Variants in BCAR3 observed in about 807,000 individuals in gnomAD.
BCAR3 encodes breast cancer anti-estrogen resistance protein 3.
A neutral mutation model predicts 80.1 loss-of-function variants in BCAR3; 37 were observed. The observed-to-expected ratio is 0.46, with a 90% confidence interval of 0.36 to 0.61. BCAR3 has a LOEUF of 0.61. Ranked by LOEUF, BCAR3 falls within the 20% of genes least tolerant of loss-of-function variation. The pLI is 0.00. For missense variants in BCAR3, 978 were observed against 1,068.2 expected, an observed-to-expected ratio of 0.92 and a Z score of 1.18; for synonymous variants, 389 against 418.9, an observed-to-expected ratio of 0.93 and a Z score of 0.87.
At chr1:93,837,237 TAAAA>T (rs1259349844) in intron 2 of BCAR3, among the ~76,000 whole-genome samples, 6 of 151,978 alleles carry the variant, frequency 3.9e-5, no homozygotes, top group Admixed American at 6.6e-5. Context: ...AAAATAAAAA[TAAAA>T]AAATAAATAA....
At chr1:93,619,438 T>G (rs1411217552) in intron 3 of BCAR3, among the ~76,000 whole-genome samples, 2 of 152,190 alleles carry the variant, frequency 1.3e-5, no homozygotes, top group African/African-American at 4.8e-5. Context: ...CCAAGATGAT[T>G]CACCACCTAC....
chr1:93,741,008 T>A (rs534999611), intron 2 of BCAR3, among the ~76,000 whole-genome samples: 1 of 152,310 alleles, frequency 6.6e-6, no homozygotes, highest in African/African-American at 2.4e-5. Flanking sequence ...GGTGAAAGCG[T>A]GGCTTTTTGC....
intron 2 of BCAR3, among the ~76,000 whole-genome samples, chr1:93,726,824 C>T (rs1193857518): frequency 6.6e-6 from 1 of 152,198 alleles, no homozygotes; most frequent in Admixed American, 6.5e-5. Flanking sequence ...TTTCTGCCCA[C>T]AGGTGGTGAC....
intron 2 of BCAR3, among the ~76,000 whole-genome samples, chr1:93,771,596 A>G (rs1431548908): frequency 6.6e-6 from 1 of 152,224 alleles, no homozygotes; most frequent in East Asian, 1.9e-4. Context: ...GCTGCTAAGG[A>G]AAATAAGTCA....
At chr1:93,796,439 T>A (rs554934592) in intron 2 of BCAR3, among the ~76,000 whole-genome samples, 3 of 148,026 alleles carry the variant, frequency 2.0e-5, no homozygotes, top group African/African-American at 5.2e-5. Flanking sequence ...CCGTCACCCC[T>A]TTCTTTGACT....
intron 2 of BCAR3, among the ~76,000 whole-genome samples, chr1:93,773,778 T>C (rs1189454287): frequency 6.6e-6 from 1 of 152,182 alleles, no homozygotes; most frequent in Non-Finnish European, 1.5e-5. Context: ...TAGCTCTTTT[T>C]TTCTTATGTT....
rs1163508211 is a variant in BCAR3 at position 93,614,009 on chromosome 1, C to A, written c.358-21616G>T. The A allele has an allele frequency of 2.0e-6, 3 of 1,529,564 alleles. No homozygotes were observed. In the Admixed American group the frequency reaches 6.1e-5, roughly 31 times the overall value. 94.7% of individuals were successfully genotyped at this position (1,529,564 alleles called of 1,614,324 possible). A position where few individuals can be genotyped will look rare whatever the true frequency, so the allele number is the denominator to read the frequency against. On this transcript the variant is annotated intron_variant, in intron 3 of 11. Coordinates refer to ENST00000260502, the MANE Select transcript of BCAR3 (RefSeq NM_003567.4). ...GGGGCTTCGGACGTTAAAGCCCTAGCCCACCACAGCAGCTGTGCTGTTTCT... is the reference window on the plus strand; with the variant it reads ...GGGGCTTCGGACGTTAAAGCCCTAGACCACCACAGCAGCTGTGCTGTTTCT...
At chr1:93,734,293 T>C (rs992118232) in intron 2 of BCAR3, among the ~76,000 whole-genome samples, 3 of 152,176 alleles carry the variant, frequency 2.0e-5, no homozygotes, top group African/African-American at 7.2e-5. Context: ...CTGGAGTGCA[T>C]GGATATATTT....
chr1:93,740,330 G>A (rs903011887), intron 2 of BCAR3, among the ~76,000 whole-genome samples: 10 of 152,208 alleles, frequency 6.6e-5, no homozygotes, highest in African/African-American at 2.4e-4. Context: ...GCATGCTGTG[G>A]AGGGAGAGGC....
chr1:93,786,948 G>C (rs912973375), intron 2 of BCAR3, among the ~76,000 whole-genome samples: 2 of 152,128 alleles, frequency 1.3e-5, no homozygotes, highest in African/African-American at 4.8e-5. Flanking sequence ...ACTGTCCCCT[G>C]CAGCTAACTG....
intron 2 of BCAR3, among the ~76,000 whole-genome samples, chr1:93,759,519 T>C (rs185088770): frequency 2.8e-4 from 42 of 152,216 alleles, no homozygotes; most frequent in Middle Eastern, 3.4e-3. Context: ...GAGAGTACCA[T>C]TGGGGCCTCA....
intron 3 of BCAR3, among the ~76,000 whole-genome samples, chr1:93,620,153 C>T (rs781045500): frequency 3.9e-5 from 6 of 152,172 alleles, no homozygotes; most frequent in South Asian, 2.1e-4. Context: ...CCTGTAGCCA[C>T]GAGAAGAGAG....
chr1:93,716,207 G>T (rs769582410), intron 2 of BCAR3, among the ~76,000 whole-genome samples: 11 of 152,120 alleles, frequency 7.2e-5, no homozygotes, highest in Non-Finnish European at 1.3e-4. Flanking sequence ...TCTAACAAAA[G>T]ATCTTTTGCA....
intron 2 of BCAR3, among the ~76,000 whole-genome samples, chr1:93,651,217 G>A (rs1676315746): frequency 6.6e-6 from 1 of 152,180 alleles, no homozygotes. Context: ...CTTCTGTATG[G>A]AAGAAGGAGC....
intron 2 of BCAR3, among the ~76,000 whole-genome samples, chr1:93,645,829 T>C (rs903031660): frequency 1.3e-5 from 2 of 151,842 alleles, no homozygotes; most frequent in Admixed American, 6.6e-5. Flanking sequence ...CACCAAACTT[T>C]TTCTCCCTGT....
intron 3 of BCAR3, among the ~76,000 whole-genome samples, chr1:93,705,896 G>A (rs191680332): frequency 1.3e-3 from 197 of 151,730 alleles, no homozygotes; most frequent in African/African-American, 4.0e-3. Flanking sequence ...TCAAGGCTGC[G>A]ATGAATAAGG....
chr1:93,652,005 T>C (rs1676341575), intron 2 of BCAR3, among the ~76,000 whole-genome samples: 1 of 152,220 alleles, frequency 6.6e-6, no homozygotes, highest in Non-Finnish European at 1.5e-5. Flanking sequence ...TTAGGCAAAC[T>C]ACCCAGAGAA....
chr1:93,825,662 A>C (rs1571153355), intron 2 of BCAR3, among the ~76,000 whole-genome samples: 2 of 149,890 alleles, frequency 1.3e-5, no homozygotes, highest in African/African-American at 2.4e-5. Context: ...CCAGGGCCAA[A>C]CCTCTGGAGT....
chr1:93,644,370 A>T (rs1361247283), intron 2 of BCAR3, among the ~76,000 whole-genome samples: 1 of 152,236 alleles, frequency 6.6e-6, no homozygotes, highest in Non-Finnish European at 1.5e-5. Flanking sequence ...CCTTTCTATC[A>T]ATCCCCAGTC....
Sources: gnomAD v4.1 joint callset for allele counts (sites outside exome capture counted in the v4.1 genomes callset) on GRCh38, gnomAD v4.1.1 for gene constraint, MANE v1.5 for transcripts, NCBI Gene and HGNC (gene_info 2026-07-23, HGNC 2026-07-21) for gene names.